Variants in SPOCK3 observed in about 807,000 individuals in gnomAD.
The protein encoded by SPOCK3 is SPARC (osteonectin), cwcv and kazal like domains proteoglycan 3, also known as testican-3.
Under a neutral mutation model 56.6 loss-of-function variants are expected in SPOCK3, and 30 were observed. The observed-to-expected ratio is 0.53, with a 90% CI of 0.40 to 0.72. The LOEUF (loss-of-function observed/expected upper bound fraction) is 0.72, where lower values mean the gene tolerates loss of function less well. Ranked by LOEUF, SPOCK3 falls within the 30% of genes least tolerant of loss-of-function variation. SPOCK3 has a pLI of 0.00. For synonymous variants in SPOCK3, 196 were observed against 183.3 expected, an observed-to-expected ratio of 1.07 and a Z score of -0.56; for missense variants, 527 against 530.0, an observed-to-expected ratio of 0.99 and a Z score of 0.06.
At chr4:167,095,094 A>G (rs1308177556) in intron 2 of SPOCK3, among the ~76,000 whole-genome samples, 4 of 152,114 alleles carry the variant, frequency 2.6e-5, no homozygotes, top group Non-Finnish European at 5.9e-5. Context: ...CAAACTAGAT[A>G]AGGCCCACCC....
At chr4:166,948,350 T>C (rs959066403) in intron 4 of SPOCK3, among the ~76,000 whole-genome samples, 1 of 152,048 alleles carries the variant, frequency 6.6e-6, no homozygotes, top group South Asian at 2.1e-4. Flanking sequence ...TATTTACTGA[T>C]TGCATTTCTT....
At chr4:166,901,792 TG>T (rs1412703834) in intron 5 of SPOCK3, among the ~76,000 whole-genome samples, 1 of 151,864 alleles carries the variant, frequency 6.6e-6, no homozygotes. Context: ...GACTCTGGAG[TG>T]GGGGGTCGGA....
intron 2 of SPOCK3, among the ~76,000 whole-genome samples, chr4:167,149,839 ATG>A (rs1398549854): frequency 1.7e-4 from 2 of 11,638 alleles, no homozygotes; most frequent in Non-Finnish European, 3.0e-4. Flanking sequence ...GTATATATAT[ATG>A]TATATATATA....
At chr4:166,747,132 T>G (rs150109899) in intron 8 of SPOCK3, among the ~76,000 whole-genome samples, 4 of 152,186 alleles carry the variant, frequency 2.6e-5, no homozygotes, top group Non-Finnish European at 5.9e-5. Flanking sequence ...TAACTCATTT[T>G]ATGAGGTCAA....
intron 3 of SPOCK3, among the ~76,000 whole-genome samples, chr4:167,061,528 C>A (rs1212052588): frequency 1.3e-5 from 2 of 151,914 alleles, no homozygotes; most frequent in Non-Finnish European, 2.9e-5. Flanking sequence ...TGGTCTATGT[C>A]TAGGTCCACA....
At chr4:166,783,699 A>T (rs899656367) in intron 7 of SPOCK3, among the ~76,000 whole-genome samples, 4 of 152,080 alleles carry the variant, frequency 2.6e-5, no homozygotes, top group Admixed American at 2.0e-4. Flanking sequence ...ATGTTTTCTC[A>T]TTAAACAACC....
chr4:167,012,884 T>A (rs1227377315), intron 3 of SPOCK3, among the ~76,000 whole-genome samples: 3 of 152,004 alleles, frequency 2.0e-5, no homozygotes, highest in African/African-American at 4.8e-5. Context: ...GGGATTTTTT[T>A]AAACTTGCCA....
At chr4:166,750,343 C>T (rs889253311) in intron 8 of SPOCK3, among the ~76,000 whole-genome samples, 11 of 151,998 alleles carry the variant, frequency 7.2e-5, no homozygotes, top group Non-Finnish European at 1.6e-4. Context: ...TAGGTCTACA[C>T]AGGGTAAGGA....
intron 2 of SPOCK3, among the ~76,000 whole-genome samples, chr4:167,232,558 G>A (rs2111186447): frequency 6.6e-6 from 1 of 152,210 alleles, no homozygotes; most frequent in East Asian, 1.9e-4. Flanking sequence ...TGCCAAATGA[G>A]GGCATGATAA....
chr4:167,106,424 C>T (rs1285855733), intron 2 of SPOCK3, among the ~76,000 whole-genome samples: 2 of 151,638 alleles, frequency 1.3e-5, no homozygotes, highest in East Asian at 3.9e-4. Flanking sequence ...AATTTGAAAA[C>T]TTTATTGAAA....
At chr4:166,838,722 G>A (rs2126819589) in intron 6 of SPOCK3, among the ~76,000 whole-genome samples, 1 of 139,548 alleles carries the variant, frequency 7.2e-6, no homozygotes, top group South Asian at 3.1e-4. Flanking sequence ...GGGAGGCCGT[G>A]AGCGGATCAC....
chr4:167,212,305 G>T (rs1276206706), intron 2 of SPOCK3, among the ~76,000 whole-genome samples: 2 of 148,188 alleles, frequency 1.3e-5, no homozygotes, highest in South Asian at 2.2e-4. Flanking sequence ...ACAATGGTGT[G>T]ATCTCGGCTC....
chr4:167,088,905 G>C (rs1758454394), intron 2 of SPOCK3, among the ~76,000 whole-genome samples: 2 of 152,048 alleles, frequency 1.3e-5, no homozygotes, highest in African/African-American at 2.4e-5. Flanking sequence ...TTTATTTTTA[G>C]TCATTCACAT....
intron 7 of SPOCK3, among the ~76,000 whole-genome samples, chr4:166,762,558 G>C (rs148517978): frequency 6.6e-6 from 1 of 152,174 alleles, no homozygotes; most frequent in East Asian, 1.9e-4. Flanking sequence ...AATTCTGAAA[G>C]CTCAGACTCA....
chr4:167,041,885 T>C (rs1027847652), intron 3 of SPOCK3, among the ~76,000 whole-genome samples: 31 of 152,188 alleles, frequency 2.0e-4, no homozygotes, highest in African/African-American at 7.2e-4. Flanking sequence ...TACAATTTTA[T>C]GTATTAATTA....
intron 3 of SPOCK3, among the ~76,000 whole-genome samples, chr4:167,044,911 T>C (rs1753578273): frequency 2.0e-5 from 3 of 152,114 alleles, no homozygotes; most frequent in South Asian, 4.1e-4. Flanking sequence ...AAGCAGTCTA[T>C]AGATGTCAAT....
intron 2 of SPOCK3, among the ~76,000 whole-genome samples, chr4:167,199,249 G>GTA (rs926022431): frequency 6.6e-6 from 1 of 151,648 alleles, no homozygotes; most frequent in Non-Finnish European, 1.5e-5. Context: ...GTGTGTGTGT[G>GTA]TGTGTGTGTG....
intron 4 of SPOCK3, among the ~76,000 whole-genome samples, chr4:166,987,723 A>G (rs770932252): frequency 6.6e-6 from 1 of 152,210 alleles, no homozygotes; most frequent in Non-Finnish European, 1.5e-5. Context: ...CTGAATAGAC[A>G]TTGCAAATTA....
Position 167,031,676 on chromosome 4 carries a change from A to C in SPOCK3, c.235+30816T>G, listed in dbSNP as rs368447399. ...GGCATGAAGTAGAGTATTATGATGTAAGAATGGAGAGAGAAAATAATTAAA... is the reference window on the plus strand; with the variant it reads ...GGCATGAAGTAGAGTATTATGATGTCAGAATGGAGAGAGAAAATAATTAAA... On this transcript the variant is annotated intron_variant, in intron 3 of 10. Transcript: ENST00000357545. 3.9e-5 allele frequency among the ~76,000 whole-genome samples: 6 copies of C among 152,124 alleles called. No homozygotes were observed. The East Asian group carries it at 5.8e-4, about 15-fold the overall frequency.
Sources: allele counts gnomAD v4.1 joint callset (sites outside exome capture counted in the v4.1 genomes callset), GRCh38; gene constraint gnomAD v4.1.1; transcripts MANE v1.5; gene names NCBI Gene and HGNC (gene_info 2026-07-23, HGNC 2026-07-21).